LHFPL3: variants seen among roughly 807,000 people sequenced by gnomAD.
LHFPL3 encodes the protein LHFPL tetraspan subfamily member 3 protein.
LHFPL3 carries 5 observed loss-of-function variants against 19.3 expected under a neutral mutation model. The ratio of observed to expected loss-of-function variants is 0.26; its 90% confidence interval spans 0.14 to 0.54. LHFPL3 has a LOEUF of 0.54. Ranked by LOEUF, LHFPL3 falls within the 20% of genes least tolerant of loss-of-function variation. The pLI is 0.94. For missense variants in LHFPL3, 249 were observed against 307.4 expected (o/e 0.81, Z 1.42); for synonymous variants, 133 against 126.2 (o/e 1.05, Z -0.36).
At chr7:104,737,472 G>A (rs6967392) in intron 2 of LHFPL3, among the ~76,000 whole-genome samples, 3,418 of 152,214 alleles carry the variant, frequency 0.022, 122 homozygotes, top group African/African-American at 0.076. Flanking sequence ...TGTTGTCTGC[G>A]TATCAAAAGT....
chr7:104,587,127 AT>A (rs1790595962), intron 1 of LHFPL3, among the ~76,000 whole-genome samples: 1 of 152,052 alleles, frequency 6.6e-6, no homozygotes, highest in Non-Finnish European at 1.5e-5. Context: ...GTATTTATGT[AT>A]TTTTATTATA....
intron 1 of LHFPL3, among the ~76,000 whole-genome samples, chr7:104,640,812 C>T (rs552108161): frequency 1.3e-5 from 2 of 152,280 alleles, no homozygotes; most frequent in South Asian, 4.2e-4. Flanking sequence ...TTGCAGTTTT[C>T]CTTATTCCCT....
chr7:104,412,691 A>G (rs1246031912), intron 1 of LHFPL3, among the ~76,000 whole-genome samples: 1 of 152,152 alleles, frequency 6.6e-6, no homozygotes, highest in Non-Finnish European at 1.5e-5. Flanking sequence ...GATGTGTTCA[A>G]TTCACATTGC....
chr7:104,328,672 G>C lies in LHFPL3; in HGVS notation c.-108G>C. ...CTGGTGCTGCTGGGCTGAGGCGGAGGCAGGGGAGTTGCAGCGCGCGAGGCT... is the reference window on the plus strand; with the variant it reads ...CTGGTGCTGCTGGGCTGAGGCGGAGCCAGGGGAGTTGCAGCGCGCGAGGCT... On this transcript the variant is annotated 5_prime_UTR_variant, in exon 1 of 3. Coordinates refer to ENST00000424859, the MANE Select transcript of LHFPL3 (RefSeq NM_199000.3). The surrounding 1 kb of genome is among the most constrained non-coding windows in gnomAD (Gnocchi z 4.6). The C allele has an allele frequency of 1.1e-6, 1 of 924,768 alleles. No homozygotes were observed. The highest frequency in any genetic ancestry group is 1.6e-6 in the Non-Finnish European group (1 of 607,570). The allele number at this position is 924,768 out of a possible 1,614,324, so 57.3% of individuals were successfully genotyped here. A position where few individuals can be genotyped will look rare whatever the true frequency, so the allele number is the denominator to read the frequency against.
At chr7:104,838,017 T>G (rs1791130255) in intron 2 of LHFPL3, among the ~76,000 whole-genome samples, 1 of 152,178 alleles carries the variant, frequency 6.6e-6, no homozygotes, top group African/African-American at 2.4e-5. Flanking sequence ...CCCACTCTAC[T>G]TAGACTTAGT....
chr7:104,701,745 G>T (rs1457602878), intron 1 of LHFPL3, among the ~76,000 whole-genome samples: 2 of 151,950 alleles, frequency 1.3e-5, no homozygotes, highest in African/African-American at 4.8e-5. Context: ...GACATACATA[G>T]GTATTGTCTA....
chr7:104,646,219 G>T (rs1791930799), intron 1 of LHFPL3, among the ~76,000 whole-genome samples: 1 of 152,178 alleles, frequency 6.6e-6, no homozygotes, highest in Admixed American at 6.5e-5. Flanking sequence ...AACCCAATTT[G>T]AGCTGTATTG....
intron 2 of LHFPL3, among the ~76,000 whole-genome samples, chr7:104,901,002 G>A (rs1792472244): frequency 6.6e-6 from 1 of 152,214 alleles, no homozygotes; most frequent in African/African-American, 2.4e-5. Flanking sequence ...GGAAATGTTA[G>A]CCAAGTTTTT....
chr7:104,848,900 G>T (rs183572248), intron 2 of LHFPL3, among the ~76,000 whole-genome samples: 1,632 of 149,380 alleles, frequency 0.011, 25 homozygotes, highest in African/African-American at 0.038. Context: ...TGTTTTTTTG[G>T]TTTTTTTTTT....
intron 1 of LHFPL3, among the ~76,000 whole-genome samples, chr7:104,572,287 G>T (rs1790244838): frequency 6.6e-6 from 1 of 152,166 alleles, no homozygotes; most frequent in African/African-American, 2.4e-5. Flanking sequence ...GTTCTCAAAA[G>T]AACATACAAC....
At chr7:104,863,129 A>T (rs1055271091) in intron 2 of LHFPL3, among the ~76,000 whole-genome samples, 3 of 152,178 alleles carry the variant, frequency 2.0e-5, no homozygotes, top group African/African-American at 4.8e-5. Context: ...AAAGATAATA[A>T]AAATAGCAGT....
At chr7:104,480,658 G>GA (rs1319911048) in intron 1 of LHFPL3, among the ~76,000 whole-genome samples, 2 of 151,774 alleles carry the variant, frequency 1.3e-5, no homozygotes, top group African/African-American at 2.4e-5. Flanking sequence ...TAAGTGTCTG[G>GA]AAAAAAAATA....
At chr7:104,777,076 C>A (rs992040643) in intron 2 of LHFPL3, among the ~76,000 whole-genome samples, 1 of 152,104 alleles carries the variant, frequency 6.6e-6, no homozygotes, top group East Asian at 1.9e-4. Context: ...CCTCAAGATG[C>A]CTGGAACACA....
intron 2 of LHFPL3, among the ~76,000 whole-genome samples, chr7:104,861,710 A>G (rs1381758767): frequency 6.6e-6 from 1 of 152,148 alleles, no homozygotes; most frequent in Non-Finnish European, 1.5e-5. Context: ...AGGAGAAACT[A>G]ATGGTCAAGC....
chr7:104,360,694 C>CGTGTGTGTGTGTGT (rs61216282), intron 1 of LHFPL3, among the ~76,000 whole-genome samples: 1 of 144,350 alleles, frequency 6.9e-6, no homozygotes, highest in Non-Finnish European at 1.5e-5. Context: ...AAAGTGCTTC[C>CGTGTGTGTGTGTGT]GTGTGTGTGT....
Position 104,567,681 on chromosome 7 carries a change from C to G in LHFPL3, c.446-168994C>G, listed in dbSNP as rs1284935988. ...ACAGTGAAGAAAATGATGACTAGGG[C>G]TGGTGTTGAGGAAAGGGGACTTCTT... On this transcript the variant is annotated intron_variant, in intron 1 of 2. Transcript: ENST00000424859. Among the ~76,000 whole-genome samples the G allele has an allele frequency of 2.0e-5, 3 of 152,162 alleles. No individual in the cohort carries two copies. The South Asian group carries it at 6.2e-4, about 32-fold the overall frequency.
chr7:104,669,445 G>A lies in LHFPL3; in HGVS notation c.446-67230G>A, dbSNP rs917063683. Reference sequence around the variant, plus strand: ...TAGGAAAGATGGCAAAAAGGATCAAGACTCCAGATCTGCACCTGAGCCAAA... The same window carrying A: ...TAGGAAAGATGGCAAAAAGGATCAAAACTCCAGATCTGCACCTGAGCCAAA... On this transcript the variant is annotated intron_variant, in intron 1 of 2. Coordinates refer to ENST00000424859, the MANE Select transcript of LHFPL3 (RefSeq NM_199000.3). The A allele has an allele frequency of 8.7e-6, 14 of 1,613,072 alleles. 1 individual carries two copies. In the Admixed American group the frequency reaches 2.2e-4, roughly 25 times the overall value.
At chr7:104,478,362 G>A (rs1793067063) in intron 1 of LHFPL3, among the ~76,000 whole-genome samples, 1 of 152,128 alleles carries the variant, frequency 6.6e-6, no homozygotes, top group African/African-American at 2.4e-5. Flanking sequence ...GAATGAGTAA[G>A]AGCCAAGGCC....
intron 1 of LHFPL3, among the ~76,000 whole-genome samples, chr7:104,585,559 C>G (rs1263272871): frequency 2.0e-5 from 3 of 146,448 alleles, no homozygotes; most frequent in African/African-American, 5.1e-5. Context: ...AGAACAGAAG[C>G]CTTTGCATGG....
Sources: allele counts gnomAD v4.1 joint callset (sites outside exome capture counted in the v4.1 genomes callset), GRCh38; gene constraint gnomAD v4.1.1; non-coding constraint Gnocchi (gnomAD v3.1); transcripts MANE v1.5; gene names NCBI Gene and HGNC (gene_info 2026-07-23, HGNC 2026-07-21).